Variants in C16orf74 observed in about 807,000 individuals in gnomAD.
C16orf74 encodes calcimembrin.
Under a neutral mutation model 6.5 loss-of-function variants are expected in C16orf74, and 10 were observed. The observed-to-expected ratio is 1.54, with a 90% CI of 0.95 to 2.61. C16orf74 has a LOEUF of 2.61. Ranked by LOEUF, C16orf74 falls within the 30% of genes most tolerant of loss-of-function variation. C16orf74 has a pLI of 0.00. For synonymous variants in C16orf74, 60 were observed against 42.5 expected (o/e 1.41, Z -1.60); for missense variants, 141 against 105.9 (o/e 1.33, Z -1.45).
At chr16:85,731,666 T>C (rs979220672) in intron 2 of C16orf74, among the ~76,000 whole-genome samples, 1 of 149,312 alleles carries the variant, frequency 6.7e-6, no homozygotes, top group South Asian at 2.1e-4. Flanking sequence ...TCTGACATTG[T>C]TGAAAACAGG....
At chr16:85,713,648 C>T (rs2053991328) in intron 2 of C16orf74, among the ~76,000 whole-genome samples, 1 of 152,244 alleles carries the variant, frequency 6.6e-6, no homozygotes, top group South Asian at 2.1e-4. Flanking sequence ...CTCATCTTAA[C>T]TCATTACACC....
chr16:85,740,946 C>T (rs559793443), intron 1 of C16orf74, among the ~76,000 whole-genome samples: 25 of 151,732 alleles, frequency 1.6e-4, no homozygotes, highest in Non-Finnish European at 3.5e-4. Flanking sequence ...CGCATGAATA[C>T]GTGCAGGGAG....
intron 1 of C16orf74, 146 bp from the exon 2 acceptor site, chr16:85,735,381 C>T (rs2054233275): frequency 4.3e-6 from 2 of 466,244 alleles, no homozygotes; most frequent in Non-Finnish European, 7.7e-6. Flanking sequence ...GGTCATGCCA[C>T]CTGTCAACTA....
Position 85,746,363 on chromosome 16 carries a change from AAAC to A in C16orf74, c.-19+4560_-19+4562del, listed in dbSNP as rs557030851. Among the ~76,000 whole-genome samples the A allele has an allele frequency of 3.9e-4, 60 of 152,264 alleles. 1 individual carries two copies. In the East Asian group the frequency reaches 9.7e-3, roughly 25 times the overall value. The stretch of plus-strand genomic sequence containing the variant: ...AGACTCGCCTCAAACAAACAAACAA[AAAC>A]AACAACAAAAACTTAGCTGGATAAC... On this transcript the variant is annotated intron_variant, in intron 1 of 3. Coordinates refer to ENST00000284245, the MANE Select transcript of C16orf74 (RefSeq NM_206967.3).
intron 1 of C16orf74, among the ~76,000 whole-genome samples, chr16:85,735,586 G>A (rs1036944261): frequency 9.9e-5 from 15 of 152,136 alleles, no homozygotes; most frequent in African/African-American, 3.6e-4. Flanking sequence ...CCTTTCAAGA[G>A]CCACAGGACG....
At chr16:85,710,436 A>G (rs2152057435) in intron 2 of C16orf74, 129 bp from the exon 3 acceptor site, 1 of 807,502 alleles carries the variant, frequency 1.2e-6, no homozygotes, top group South Asian at 2.1e-5. Flanking sequence ...CGCAGCAAGG[A>G]GCGCAGCTGT....
chr16:85,714,648 G>T (rs1184807789), intron 2 of C16orf74, among the ~76,000 whole-genome samples: 1 of 151,174 alleles, frequency 6.6e-6, no homozygotes, highest in Non-Finnish European at 1.5e-5. Context: ...TCGAACTCCT[G>T]ACCTTGTGAT....
intron 2 of C16orf74, among the ~76,000 whole-genome samples, chr16:85,714,160 G>T (rs930738023): frequency 6.6e-6 from 1 of 152,098 alleles, no homozygotes; most frequent in African/African-American, 2.4e-5. Flanking sequence ...GGGGGAATCA[G>T]CCGACTCCCT....
At chr16:85,739,121 C>T (rs974042198) in intron 1 of C16orf74, among the ~76,000 whole-genome samples, 3 of 151,544 alleles carry the variant, frequency 2.0e-5, no homozygotes, top group African/African-American at 7.3e-5. Context: ...GCTCTCCTGC[C>T]GCCAGCCTTG....
intron 2 of C16orf74, among the ~76,000 whole-genome samples, chr16:85,717,319 T>C (rs1467005645): frequency 6.6e-6 from 1 of 152,128 alleles, no homozygotes; most frequent in Admixed American, 6.5e-5. Flanking sequence ...ACATCACCTA[T>C]CCAGGGCCTC....
chr16:85,709,074 T>C (rs1240287829), intron 3 of C16orf74, among the ~76,000 whole-genome samples: 4 of 152,310 alleles, frequency 2.6e-5, no homozygotes, highest in African/African-American at 7.2e-5. Flanking sequence ...CTGTCTAAAA[T>C]GGGGGTGTGG....
At chr16:85,746,635 G>A (rs1348834105) in intron 1 of C16orf74, among the ~76,000 whole-genome samples, 1 of 152,166 alleles carries the variant, frequency 6.6e-6, no homozygotes, top group Non-Finnish European at 1.5e-5. Context: ...AAGAGGGCAG[G>A]GCTGAAGAAG....
At chr16:85,710,426 C>A in intron 2 of C16orf74, 119 bp from the exon 3 acceptor site, 1 of 957,404 alleles carries the variant, frequency 1.0e-6, no homozygotes, top group Non-Finnish European at 1.5e-6. Flanking sequence ...CCTGACGCCT[C>A]GCAGCAAGGA....
At chr16:85,733,209 A>G (rs1232787745) in intron 2 of C16orf74, among the ~76,000 whole-genome samples, 2 of 152,254 alleles carry the variant, frequency 1.3e-5, no homozygotes, top group Non-Finnish European at 2.9e-5. Context: ...ATGGTGGAAT[A>G]TTATTCAGCC....
intron 2 of C16orf74, among the ~76,000 whole-genome samples, chr16:85,711,433 G>A (rs1028635725): frequency 8.0e-5 from 12 of 149,234 alleles, no homozygotes; most frequent in East Asian, 4.0e-4. Context: ...TGACCAACAC[G>A]GAGAAACCCC....
At chr16:85,735,736 A>G (rs1255963889) in intron 1 of C16orf74, among the ~76,000 whole-genome samples, 3 of 110,822 alleles carry the variant, frequency 2.7e-5, no homozygotes, top group Non-Finnish European at 3.8e-5. Context: ...AGCCTGAGCT[A>G]TAGAGGACGT....
intron 2 of C16orf74, among the ~76,000 whole-genome samples, chr16:85,717,424 G>A (rs1257754735): frequency 6.6e-6 from 1 of 152,182 alleles, no homozygotes; most frequent in Non-Finnish European, 1.5e-5. Flanking sequence ...CCTGAGCTAG[G>A]GCCACTGTGG....
rs182432548 is a variant in C16orf74 at position 85,714,789 on chromosome 16, G to A, written c.29-4482C>T. ...GGCCACCTCAGCCCAACAGAACTCCGAGCCCCTCAGCGGCACCCACACAGT... is the reference window on the plus strand; with the variant it reads ...GGCCACCTCAGCCCAACAGAACTCCAAGCCCCTCAGCGGCACCCACACAGT... On this transcript the variant is annotated intron_variant, in intron 2 of 3. Coordinates refer to ENST00000284245, the MANE Select transcript of C16orf74 (RefSeq NM_206967.3). Among the ~76,000 whole-genome samples, 485 of 151,908 alleles carry A rather than the reference G, an allele frequency of 3.2e-3. 4 individuals carry two copies. The highest frequency in any genetic ancestry group is 0.011 in the African/African-American group (453 of 41,430).
intron 2 of C16orf74, among the ~76,000 whole-genome samples, chr16:85,715,351 G>T (rs562120047): frequency 1.3e-5 from 2 of 152,140 alleles, no homozygotes; most frequent in African/African-American, 4.8e-5. Flanking sequence ...CATGGCCACC[G>T]TGCTCGGTGT....
Sources: gnomAD v4.1 joint callset for allele counts (sites outside exome capture counted in the v4.1 genomes callset) on GRCh38, gnomAD v4.1.1 for gene constraint, MANE v1.5 for transcripts, NCBI Gene and HGNC (gene_info 2026-07-23, HGNC 2026-07-21) for gene names.